Variants in RNF6 observed in about 807,000 individuals in gnomAD.
RNF6 encodes E3 ubiquitin-protein ligase RNF6.
A neutral mutation model predicts 50.1 loss-of-function variants in RNF6; 21 were observed. That is an observed-to-expected ratio of 0.42 (90% CI 0.30 to 0.60). RNF6 has a LOEUF of 0.60. Ranked by LOEUF, RNF6 falls within the 20% of genes least tolerant of loss-of-function variation. The pLI, the probability that RNF6 is intolerant of heterozygous loss-of-function variation, is 0.20. For synonymous variants in RNF6, 255 were observed against 291.8 expected (o/e 0.87, Z 1.29); for missense variants, 698 against 838.2 (o/e 0.83, Z 2.07).
chr13:26,160,503 C>T (rs1387179373), intron 5 of RNF6, among the ~76,000 whole-genome samples: 2 of 149,194 alleles, frequency 1.3e-5, no homozygotes, highest in Non-Finnish European at 3.0e-5. Context: ...GGACTACAGG[C>T]TTATGCCACT....
intron 5 of RNF6, among the ~76,000 whole-genome samples, chr13:26,175,291 G>C (rs1490638746): frequency 2.6e-5 from 4 of 152,196 alleles, no homozygotes; most frequent in African/African-American, 9.6e-5. Flanking sequence ...ATGTTGGCCA[G>C]GCTGGTCTCA....
intron 5 of RNF6, among the ~76,000 whole-genome samples, chr13:26,166,929 CATCACT>C (rs892475256): frequency 6.6e-6 from 1 of 152,176 alleles, no homozygotes; most frequent in Non-Finnish European, 1.5e-5. Flanking sequence ...GTCTCAAAAA[CATCACT>C]ATCACTATCA....
intron 5 of RNF6, among the ~76,000 whole-genome samples, chr13:26,143,905 T>C (rs1356517410): frequency 6.6e-6 from 1 of 152,206 alleles, no homozygotes; most frequent in Non-Finnish European, 1.5e-5. Context: ...GGATAAGGCA[T>C]TCTGTGAGAC....
chr13:26,147,870 C>T (rs1216664655), intron 5 of RNF6, among the ~76,000 whole-genome samples: 1 of 152,206 alleles, frequency 6.6e-6, no homozygotes, highest in Non-Finnish European at 1.5e-5. Flanking sequence ...TGAGTTATTT[C>T]CCTTCTTTCT....
intron 5 of RNF6, among the ~76,000 whole-genome samples, chr13:26,190,642 A>G (rs908253518): frequency 6.6e-6 from 1 of 152,340 alleles, no homozygotes; most frequent in South Asian, 2.1e-4. Context: ...TTGTATCCCC[A>G]TAACACACCC....
Position 26,149,935 on chromosome 13 carries a change from CAGTGTATATATAATGTGTATATATATAT to C in RNF6, n.769-17512_769-17485del, listed in dbSNP as rs1382770664. ...TATATAATGTGTATATATATATACACAGTGTATATATAATGTGTATATATATATACACAGTGTATATATAATGTGTATA... is the reference window on the plus strand; with the variant it reads ...TATATAATGTGTATATATATATACACACACAGTGTATATATAATGTGTATA... On this transcript the variant is annotated intron_variant and non_coding_transcript_variant, in intron 5 of 5. Transcript: ENST00000468480. 1.2e-3 allele frequency among the ~76,000 whole-genome samples: 98 copies of C among 84,888 alleles called. 1 individual carries two copies. The highest frequency in any genetic ancestry group is 1.9e-3 in the East Asian group (6 of 3,234). The allele number at this position is 84,888 out of a possible 152,430, so 55.7% of individuals were successfully genotyped here.
At chr13:26,222,844 T>C (rs959073559), upstream of RNF6, among the ~76,000 whole-genome samples, 1 of 152,174 alleles carries the variant, frequency 6.6e-6, no homozygotes, top group Non-Finnish European at 1.5e-5. Context: ...GCTGGTTTCG[T>C]ACTCGGCCTC....
Position 26,216,680 on chromosome 13 carries a change from C to T in RNF6, c.290-1088G>A, listed in dbSNP as rs368382658. 2.2e-4 allele frequency among the ~76,000 whole-genome samples: 34 copies of T among 152,230 alleles called. No homozygotes were observed. The East Asian group carries it at 5.2e-3, about 23-fold the overall frequency. On this transcript the variant is annotated intron_variant, in intron 4 of 4. Transcript: ENST00000381588. The stretch of plus-strand genomic sequence containing the variant: ...TCAAAAATAGCTATTATAGGCCGGG[C>T]GCGGTGGCTCACACCTGTAATCCCA...
intron 5 of RNF6, among the ~76,000 whole-genome samples, chr13:26,164,788 C>G (rs1376466720): frequency 6.6e-6 from 1 of 152,112 alleles, no homozygotes; most frequent in Non-Finnish European, 1.5e-5. Context: ...TAGTTCATGT[C>G]TGCTTAAACA....
chr13:26,203,262 G>C (rs1052207999), intron 5 of RNF6, among the ~76,000 whole-genome samples: 16 of 152,284 alleles, frequency 1.1e-4, no homozygotes, highest in African/African-American at 3.4e-4. Flanking sequence ...AGTGGAGAAG[G>C]GTTATTTAAC....
chr13:26,179,455 G>A (rs1873129164), intron 5 of RNF6, among the ~76,000 whole-genome samples: 1 of 152,156 alleles, frequency 6.6e-6, no homozygotes, highest in Non-Finnish European at 1.5e-5. Flanking sequence ...TCCACTCTGG[G>A]TTCTGTATCC....
intron 5 of RNF6, among the ~76,000 whole-genome samples, chr13:26,132,664 A>T (rs1451585415): frequency 6.6e-6 from 1 of 152,244 alleles, no homozygotes; most frequent in South Asian, 2.1e-4. Flanking sequence ...TTTAATAAAA[A>T]GAAAAGAGGT....
In RNF6 at chr13:26,215,313, G is replaced by C; in HGVS notation, c.569C>G (p.Thr190Ser). ...DHTANRQQRS[T>S]SPVARRTRSQ... The stretch of plus-strand genomic sequence containing the variant: ...TCTTGTTCGCCTAGCCACAGGACTA[G>C]TTGACCTTTGTTGCCTATTTGCAGT... Residue 190 changes from threonine to serine, a missense_variant, in exon 5 of 5, where the codon ACT becomes AGT. Transcript: ENST00000381588. The C allele has an allele frequency of 4.3e-6, 7 of 1,614,192 alleles. No individual in the cohort carries two copies. Among genetic ancestry groups the C allele is most frequent in the Non-Finnish European group, 5.9e-6 (7 of 1,180,042 alleles).
At chr13:26,202,314 G>GC (rs1281204706) in intron 5 of RNF6, among the ~76,000 whole-genome samples, 1 of 152,168 alleles carries the variant, frequency 6.6e-6, no homozygotes, top group African/African-American at 2.4e-5. Flanking sequence ...AAGATGATGT[G>GC]CCAGTTATTA....
chr13:26,178,863 C>T (rs111403417), intron 5 of RNF6, among the ~76,000 whole-genome samples: 4 of 152,248 alleles, frequency 2.6e-5, no homozygotes, highest in African/African-American at 9.6e-5. Flanking sequence ...TTAGATCCCA[C>T]ATATAAGTGA....
At chr13:26,212,125 C>T (rs1412012244), downstream of RNF6, among the ~76,000 whole-genome samples, 1 of 152,198 alleles carries the variant, frequency 6.6e-6, no homozygotes, top group East Asian at 1.9e-4. Context: ...CTTCCCATCT[C>T]TCTCCATTCC....
At chr13:26,184,119 T>C (rs1453188122) in intron 5 of RNF6, among the ~76,000 whole-genome samples, 2 of 147,944 alleles carry the variant, frequency 1.4e-5, no homozygotes, top group Admixed American at 6.8e-5. Context: ...CTCCGTCTCC[T>C]TAGGTTCACG....
intron 1 of RNF6, 32 bp from the exon 2 acceptor site, chr13:26,221,362 A>G (rs537321987): frequency 1.4e-4 from 22 of 152,330 alleles, no homozygotes; most frequent in African/African-American, 4.8e-4. Flanking sequence ...GAATAATTCA[A>G]TAAACTGTTT....
intron 5 of RNF6, among the ~76,000 whole-genome samples, chr13:26,138,944 A>T (rs1832959679): frequency 6.6e-6 from 1 of 152,184 alleles, no homozygotes; most frequent in Non-Finnish European, 1.5e-5. Flanking sequence ...GGTATCCTCA[A>T]ATTATTCTTC....
Sources: allele counts gnomAD v4.1 joint callset (sites outside exome capture counted in the v4.1 genomes callset), GRCh38; gene constraint gnomAD v4.1.1; transcripts MANE v1.5; gene names NCBI Gene and HGNC (gene_info 2026-07-23, HGNC 2026-07-21).